The following ZNF536 variants were observed in gnomAD, a reference collection of about 807,000 sequenced individuals.
The protein encoded by ZNF536 is zinc finger protein 536.
ZNF536 carries 13 observed loss-of-function variants against 84.5 expected under a neutral mutation model. The ratio of observed to expected loss-of-function variants is 0.15; its 90% CI spans 0.10 to 0.24. The LOEUF is 0.24. Among genes scored for constraint, ZNF536 ranks in the 10% least tolerant of loss-of-function variants. ZNF536 has a pLI of 1.00. For synonymous variants in ZNF536, 811 were observed against 742.5 expected, an observed-to-expected ratio of 1.09 and a Z score of -1.50; for missense variants, 1,536 against 1,747.5, an observed-to-expected ratio of 0.88 and a Z score of 2.16.
Position 30,508,957 on chromosome 19 carries a change from A to G in ZNF536, c.2171-25890A>G, listed in dbSNP as rs944043255. 3.4e-5 allele frequency among the ~76,000 whole-genome samples: 5 copies of G among 148,790 alleles called. No homozygotes were observed. In the Admixed American group the frequency reaches 3.4e-4, roughly 10 times the overall value. ...ATCCTCCCACCTTAACCTCCCAAGT[A>G]TCTGGGAGCACAGTTGTGTGCCAGG... On this transcript the variant is annotated intron_variant, in intron 2 of 4. Coordinates refer to ENST00000355537, the MANE Select transcript of ZNF536 (RefSeq NM_014717.3).
At chr19:30,275,659 G>A (rs1221402396) in intron 1 of ZNF536, among the ~76,000 whole-genome samples, 2 of 152,172 alleles carry the variant, frequency 1.3e-5, no homozygotes. Flanking sequence ...TGGGGCTAGT[G>A]CCTCAGTTCT....
chr19:30,440,699 G>C (rs973318031), intron 1 of ZNF536, among the ~76,000 whole-genome samples: 4 of 152,134 alleles, frequency 2.6e-5, no homozygotes, highest in African/African-American at 9.7e-5. Flanking sequence ...CAGACAGGGT[G>C]GGCACAGAGG....
chr19:30,631,757 A>G (rs139584048), intron 1 of ZNF536, among the ~76,000 whole-genome samples: 11 of 152,234 alleles, frequency 7.2e-5, no homozygotes, highest in Non-Finnish European at 1.5e-4. Context: ...CGCTAACCCA[A>G]GCATCTTGGA....
chr19:30,510,806 G>A (rs2055380081), intron 2 of ZNF536, among the ~76,000 whole-genome samples: 1 of 152,166 alleles, frequency 6.6e-6, no homozygotes, highest in Non-Finnish European at 1.5e-5. Flanking sequence ...GACATGTCCT[G>A]CCTTCCCTCT....
chr19:30,653,426 G>A (rs550596268), intron 1 of ZNF536, among the ~76,000 whole-genome samples: 33 of 152,346 alleles, frequency 2.2e-4, no homozygotes, highest in African/African-American at 7.7e-4. Context: ...TTGAAGAGTG[G>A]CCTGATGGCT....
At chr19:30,498,906 G>T (rs904936264) in intron 2 of ZNF536, among the ~76,000 whole-genome samples, 3 of 152,140 alleles carry the variant, frequency 2.0e-5, no homozygotes, top group Non-Finnish European at 4.4e-5. Flanking sequence ...CCGAGGAGCC[G>T]TTCCAGCCCG....
intron 1 of ZNF536, among the ~76,000 whole-genome samples, chr19:30,654,733 C>A (rs2049840120): frequency 6.6e-6 from 1 of 152,006 alleles, no homozygotes; most frequent in African/African-American, 2.4e-5. Flanking sequence ...AGACCAGGAA[C>A]CCAGTGCCCT....
At chr19:30,318,944 A>C (rs1185722953) in intron 2 of ZNF536, among the ~76,000 whole-genome samples, 1 of 152,162 alleles carries the variant, frequency 6.6e-6, no homozygotes, top group Non-Finnish European at 1.5e-5. Context: ...TTTGTAACCC[A>C]AATGGCATTG....
At chr19:30,704,038 C>G (rs568578656) in intron 1 of ZNF536, among the ~76,000 whole-genome samples, 7 of 152,254 alleles carry the variant, frequency 4.6e-5, no homozygotes, top group Admixed American at 4.6e-4. Context: ...AGCAAAGGTG[C>G]CAGAACAAGA....
intron 1 of ZNF536, among the ~76,000 whole-genome samples, chr19:30,646,158 C>G (rs940728091): frequency 6.6e-6 from 1 of 152,196 alleles, no homozygotes; most frequent in East Asian, 1.9e-4. Flanking sequence ...TTGTGTCTCA[C>G]GATTCCTCTC....
intron 2 of ZNF536, among the ~76,000 whole-genome samples, chr19:30,501,745 A>G (rs1296920697): frequency 6.6e-6 from 1 of 152,246 alleles, no homozygotes; most frequent in South Asian, 2.1e-4. Context: ...AGGACCACAC[A>G]ATGGCAGGGC....
intron 3 of ZNF536, among the ~76,000 whole-genome samples, chr19:30,542,100 CA>C (rs553911832): frequency 2.0e-5 from 3 of 150,552 alleles, no homozygotes; most frequent in Non-Finnish European, 4.4e-5. Flanking sequence ...GGAGATTTAG[CA>C]AAAAAAACAA....
chr19:30,681,105 C>T (rs572422325), intron 1 of ZNF536, among the ~76,000 whole-genome samples: 1 of 152,320 alleles, frequency 6.6e-6, no homozygotes, highest in South Asian at 2.1e-4. Context: ...CAGCCCCTTT[C>T]CGACTTTCCG....
rs548933295 is a variant in ZNF536 at position 30,377,270 on chromosome 19, C to T, written c.-3+4714C>T. Among the ~76,000 whole-genome samples the T allele has an allele frequency of 2.0e-5, 3 of 152,224 alleles. 1 individual carries two copies. Among genetic ancestry groups the T allele is most frequent in the African/African-American group, 7.2e-5 (3 of 41,534 alleles). On this transcript the variant is annotated intron_variant, in intron 1 of 4. Coordinates refer to ENST00000355537, the MANE Select transcript of ZNF536 (RefSeq NM_014717.3). ...TGTGGTGGGAGTCCTGGATGTTACC[C>T]GTGTGGGCCGCGCTCACAGAACTCA...
intron 1 of ZNF536, among the ~76,000 whole-genome samples, chr19:30,630,734 G>C (rs1163888478): frequency 6.6e-6 from 1 of 152,200 alleles, no homozygotes; most frequent in Non-Finnish European, 1.5e-5. Flanking sequence ...GTCAGGACTT[G>C]CTACTGGGCC....
intron 1 of ZNF536, among the ~76,000 whole-genome samples, chr19:30,412,008 G>A (rs2050515178): frequency 6.6e-6 from 1 of 151,462 alleles, no homozygotes; most frequent in African/African-American, 2.4e-5. Context: ...TATTTATTCT[G>A]GGTGTTTGAA....
upstream of ZNF536, among the ~76,000 whole-genome samples, chr19:30,370,810 C>T (rs1247180431): frequency 2.6e-5 from 4 of 152,134 alleles, no homozygotes; most frequent in African/African-American, 9.7e-5. Context: ...ATGATAAGTA[C>T]GTATTTTTGG....
chr19:30,322,818 G>A (rs1484065345), intron 2 of ZNF536, among the ~76,000 whole-genome samples: 2 of 151,828 alleles, frequency 1.3e-5, no homozygotes, highest in Non-Finnish European at 2.9e-5. Flanking sequence ...GATGGCCTGC[G>A]GTCCTGCCTC....
chr19:30,580,552 G>T (rs887972353), intron 1 of ZNF536, among the ~76,000 whole-genome samples: 9 of 152,122 alleles, frequency 5.9e-5, no homozygotes, highest in Non-Finnish European at 1.0e-4. Flanking sequence ...GCCAGGGAGG[G>T]TATGCTGTAG....
Sources: allele counts gnomAD v4.1 joint callset (sites outside exome capture counted in the v4.1 genomes callset), GRCh38; gene constraint gnomAD v4.1.1; transcripts MANE v1.5; gene names NCBI Gene and HGNC (gene_info 2026-07-23, HGNC 2026-07-21).